PLXNA3: variants seen among roughly 807,000 people sequenced by gnomAD.
PLXNA3 encodes plexin A3.
In PLXNA3, 52 loss-of-function variants were observed where a neutral mutation model predicts 118.8. The ratio of observed to expected loss-of-function variants is 0.44; its 90% CI spans 0.35 to 0.55. The LOEUF (loss-of-function observed/expected upper bound fraction) is 0.55, where lower values mean the gene tolerates loss of function less well. Ranked by LOEUF, PLXNA3 falls within the 20% of genes least tolerant of loss-of-function variation. The probability of loss-of-function intolerance (pLI) is 0.01; values close to 1 mark genes in which losing one functional copy is unlikely to be tolerated. For missense variants in PLXNA3, 1,660 were observed against 1,730.8 expected, an observed-to-expected ratio of 0.96 and a Z score of 0.73; for synonymous variants, 925 against 762.4, an observed-to-expected ratio of 1.21 and a Z score of -3.51.
In PLXNA3 at chrX:154,461,240, C is replaced by G. The variant is rs1557204149; in HGVS notation, c.736C>G (p.Gln246Glu). Reference sequence around the variant, plus strand: ...CTTCCTGACGCTGCAGCTGGACACCCAGCAGACGCTGTTGGACACAGCGGG... The same window carrying G: ...CTTCCTGACGCTGCAGCTGGACACCGAGCAGACGCTGTTGGACACAGCGGG... ...VYFLTLQLDT[Q>E]QTLLDTAGEK... The change falls in exon 3 of 33, where the codon CAG (glutamine) becomes GAG (glutamate). Residue 246 changes from glutamine (Q) to glutamate (E), a missense_variant. Coordinates refer to ENST00000369682, the MANE Select transcript of PLXNA3 (RefSeq NM_017514.5). 9 of 1,212,583 alleles carry G rather than the reference C, an allele frequency of 7.4e-6. No homozygotes were observed. Among genetic ancestry groups the G allele is most frequent in the Non-Finnish European group, 1.1e-6 (1 of 895,593 alleles).
chrX:154,460,957 G>A (rs1409642477), intron 2 of PLXNA3, 142 bp from the exon 3 acceptor site: 5 of 641,317 alleles, frequency 7.8e-6, no homozygotes, highest in Non-Finnish European at 1.2e-5. Flanking sequence ...CAGGGAGGCT[G>A]GTCACCCTGC....
rs782777957 is a variant in PLXNA3, at chrX:154,465,084, T to G, written c.2110T>G (p.Leu704Val). 1.1e-5 allele frequency: 13 copies of G among 1,208,566 alleles called. No homozygotes were observed. In the South Asian group the frequency reaches 2.3e-4, roughly 21 times the overall value. The change falls in exon 11 of 33, where the codon TTG becomes GTG. Residue 704 changes from leucine to valine, a missense_variant. By Grantham distance (32) the Leu-to-Val change is conservative. Coordinates refer to ENST00000369682, the MANE Select transcript of PLXNA3 (RefSeq NM_017514.5). ...CGTTGGGGTCATGCAGCCTCTTACC[T>G]TGCGGGCTAAGAACCTACCTCAGCC... is the stretch of plus-strand genomic sequence containing the variant. ...IPVGVMQPLT[L>V]RAKNLPQPQS... is the part of the protein sequence containing the mutation.
intron 9 of PLXNA3, 112 bp downstream of exon 9, chrX:154,464,613 C>G: frequency 1.4e-6 from 1 of 695,294 alleles, no homozygotes; most frequent in Non-Finnish European, 2.2e-6. Context: ...ACTGTCAGGC[C>G]CTGATAGCCC....
Position 154,465,336 on chromosome X carries a change from G to A in PLXNA3, c.2245-88G>A, listed in dbSNP as rs1557206596. On this transcript the variant is annotated intron_variant, in intron 11 of 32. Coordinates refer to ENST00000369682, the MANE Select transcript of PLXNA3 (RefSeq NM_017514.5). ...TCTGAGTCTCCTGCTAGGGATTCCT[G>A]TACCTGGAGGAGGGGGGCAGCTGGC... 9 of 1,030,320 alleles carry A rather than the reference G, an allele frequency of 8.7e-6. No individual in the cohort carries two copies. The East Asian group carries it at 2.4e-4, about 28-fold the overall frequency. The allele number at this position is 1,030,320 out of a possible 1,213,427, so 84.9% of individuals were successfully genotyped here.
intron 6 of PLXNA3, 67 bp downstream of exon 6, chrX:154,463,757 C>T: frequency 9.9e-7 from 1 of 1,011,321 alleles, no homozygotes; most frequent in Admixed American, 2.6e-5. Context: ...CAGCCACACC[C>T]AGCCGTGCCC....
At position 154,468,422 on chromosome X, in the gene PLXNA3, C is replaced by T. The variant is rs140160422; in HGVS notation, c.4083C>T (p.Arg1361=). The change falls in exon 23 of 33, where the codon CGC becomes CGT. Residue 1361 remains arginine, a synonymous_variant. Transcript: ENST00000369682. ...AGAGCAGCTTCTCCATGCGCGACCG[C>T]GGCACCGTGGCCTCGCTCACCATGG... The part of the protein sequence containing the change: ...EAQSSFSMRD[R]GTVASLTMVA... 9.8e-4 allele frequency: 1,186 copies of T among 1,210,017 alleles called. 2 individuals are homozygous for T. The highest frequency in any genetic ancestry group is 1.2e-3 in the Non-Finnish European group (1,118 of 895,286).
chrX:154,461,833 A>C (rs1557204718), intron 3 of PLXNA3, among the ~76,000 whole-genome samples, 195 bp downstream of exon 3: 1 of 110,876 alleles, frequency 9.0e-6, no homozygotes, highest in East Asian at 2.8e-4. Flanking sequence ...CCAGTGCCCC[A>C]CTTCTGCTTC....
rs782573186 is a variant in PLXNA3, at chrX:154,468,825, G to A, written c.4290G>A (p.Glu1430=). Residue 1430 remains glutamate (E), a splice_region_variant and synonymous_variant, in exon 25 of 33, where the codon GAG becomes GAA. Transcript: ENST00000369682. The part of the protein sequence containing the change: ...FTFLLHKFLK[E]CAGEPLFLLY... ...TGTGCACCTGTCCCTGGCTGCAGGAGTGTGCTGGGGAGCCTCTCTTCCTGC... is the reference window on the plus strand; with the variant it reads ...TGTGCACCTGTCCCTGGCTGCAGGAATGTGCTGGGGAGCCTCTCTTCCTGC... 26 of 1,210,218 alleles carry A rather than the reference G, an allele frequency of 2.1e-5. No individual in the cohort carries two copies. Among genetic ancestry groups the A allele is most frequent in the Non-Finnish European group, 2.9e-5 (26 of 895,334 alleles).
In PLXNA3 at chrX:154,464,431, C is replaced by T. The variant is rs1557206204; in HGVS notation, c.1858C>T (p.Leu620Phe). 5.8e-6 allele frequency: 7 copies of T among 1,211,405 alleles called. No individual in the cohort carries two copies. Among genetic ancestry groups the T allele is most frequent in the South Asian group, 3.5e-5 (2 of 57,022 alleles). ...GATRTVRLQL[L>F]SKETGVRFAG... Reference sequence around the variant, plus strand: ...CACCCGCACTGTGCGGCTGCAGCTTCTCTCCAAGGAGACAGGCGTGAGGTT... The same window carrying T: ...CACCCGCACTGTGCGGCTGCAGCTTTTCTCCAAGGAGACAGGCGTGAGGTT... The change falls in exon 9 of 33, where the codon CTC (leucine) becomes TTC (phenylalanine). Residue 620 changes from leucine (L) to phenylalanine (F), a missense_variant. Coordinates refer to ENST00000369682, the MANE Select transcript of PLXNA3 (RefSeq NM_017514.5).
Position 154,477,705 on chromosome X carries a change from C to T in PLXNA3, c.*5020C>T. 2 of 312,961 alleles carry T rather than the reference C, an allele frequency of 6.4e-6. No homozygotes were observed. Among genetic ancestry groups the T allele is most frequent in the Non-Finnish European group, 1.1e-5 (2 of 179,462 alleles). 25.8% of individuals were successfully genotyped at this position (312,961 alleles called of 1,213,427 possible). ...TTGAATATCTGAATTCTAGAACCCC[C>T]CCCCCAGCAACCCAAGCACAACAAG... On this transcript the variant is annotated 3_prime_UTR_variant, in exon 33 of 33. Coordinates refer to ENST00000369682, the MANE Select transcript of PLXNA3 (RefSeq NM_017514.5).
chrX:154,470,330 G>A (rs1037039615), intron 29 of PLXNA3, 112 bp from the exon 30 acceptor site: 82 of 933,713 alleles, frequency 8.8e-5, no homozygotes, highest in Non-Finnish European at 1.1e-4. Flanking sequence ...GAGACCACTG[G>A]CCCTGTAGGG....
At position 154,472,556 on chromosome X, in the gene PLXNA3, C is replaced by G. The variant is rs368077783; in HGVS notation, c.5521-34C>G. Reference sequence around the variant, plus strand: ...TGCATGGCAGGAGCTGCGCCCCCTACAGAGCCCAGCTCCAGGGGACTCCTC... The same window carrying G: ...TGCATGGCAGGAGCTGCGCCCCCTAGAGAGCCCAGCTCCAGGGGACTCCTC... On this transcript the variant is annotated intron_variant, in intron 32 of 32. Coordinates refer to ENST00000369682, the MANE Select transcript of PLXNA3 (RefSeq NM_017514.5). The G allele has an allele frequency of 3.9e-6, 4 of 1,025,702 alleles. No individual in the cohort carries two copies. In the African/African-American group the frequency reaches 7.5e-5, roughly 19 times the overall value. 84.5% of individuals were successfully genotyped at this position (1,025,702 alleles called of 1,213,427 possible).
At chrX:154,462,984 C>T (rs2069002935) in intron 4 of PLXNA3, among the ~76,000 whole-genome samples, 1 of 111,481 alleles carries the variant, frequency 9.0e-6, no homozygotes, top group Non-Finnish European at 1.9e-5. Context: ...CCTGGCCCAC[C>T]TGCTCTGTTC....
chrX:154,461,581 G>A lies in PLXNA3; in HGVS notation c.1077G>A (p.Gly359=), dbSNP rs781896082. ...GCCGCATCCAGTCCTGCTATCGTGG[G>A]GAGGGCACTCTGGCTCTGCCCTGGC... ...IRRRIQSCYR[G]EGTLALPWLL... is the part of the protein sequence containing the mutation. Residue 359 remains glycine (G), a synonymous_variant, in exon 3 of 33, where the codon GGG becomes GGA. Transcript: ENST00000369682. 9 of 1,205,994 alleles carry A rather than the reference G, an allele frequency of 7.5e-6. No individual in the cohort carries two copies. Among genetic ancestry groups the A allele is most frequent in the Admixed American group, 2.2e-5 (1 of 46,104 alleles).
At position 154,464,384 on chromosome X, in the gene PLXNA3, A is replaced by G; in HGVS notation, c.1829-18A>G. On this transcript the variant is annotated intron_variant, in intron 8 of 32. Transcript: ENST00000369682. ...CCCTACCCCCAGCGAGTTCACGGCC[A>G]CCCCGGGACTGCTGCAGGGGCCACC... is the stretch of plus-strand genomic sequence containing the variant. The G allele has an allele frequency of 8.3e-7, 1 of 1,204,041 alleles. No individual in the cohort carries two copies. The highest frequency in any genetic ancestry group is 1.1e-6 in the Non-Finnish European group (1 of 890,499).
Position 154,466,202 on chromosome X carries a change from G to A in PLXNA3, c.2731G>A (p.Val911Met), listed in dbSNP as rs782131366. 11 of 1,208,846 alleles carry A rather than the reference G, an allele frequency of 9.1e-6. No homozygotes were observed. The highest frequency in any genetic ancestry group is 3.0e-5 in the East Asian group (1 of 33,820). Residue 911 changes from valine (V) to methionine (M), a missense_variant, in exon 15 of 33, where the codon GTG (valine) becomes ATG (methionine). This residue lies in a region of PLXNA3 where 869 missense variants were observed against 1,078.7 expected (regional missense o/e 0.81). Coordinates refer to ENST00000369682, the MANE Select transcript of PLXNA3 (RefSeq NM_017514.5). ...SLVPSPPPGP[V>M]ELCVGDCSAD... ...GGTGCCCAGCCCGCCGCCGGGGCCC[G>A]TGGAGCTGTGTGTGGGTGACTGTTC...
At chrX:154,461,766 C>A in intron 3 of PLXNA3, 128 bp downstream of exon 3, 1 of 649,626 alleles carries the variant, frequency 1.5e-6, no homozygotes. Context: ...CTTTGCCCTC[C>A]CACCTGTTTC....
rs781814996 is a variant in PLXNA3 at position 154,460,689 on chromosome X, C to G, written c.506C>G (p.Thr169Ser). The G allele has an allele frequency of 9.6e-6, 11 of 1,150,536 alleles. No individual in the cohort carries two copies. The highest frequency in any genetic ancestry group is 5.4e-5 in the African/African-American group (3 of 55,584). 94.8% of individuals were successfully genotyped at this position (1,150,536 alleles called of 1,213,427 possible). A position where few individuals can be genotyped will look rare whatever the true frequency, so the allele number is the denominator to read the frequency against. Residue 169 changes from threonine to serine, a missense_variant, in exon 2 of 33, where the codon ACT (threonine) becomes AGT (serine). Thr to Ser is a moderately conservative substitution (Grantham distance 58). Coordinates refer to ENST00000369682, the MANE Select transcript of PLXNA3 (RefSeq NM_017514.5). ...GGGCCCAGCAAGCTGTTTGTGGGCA[C>G]TGCTGTCGACGGCAAGTCGGAGTAC... is the stretch of plus-strand genomic sequence containing the variant. ...GQGPSKLFVG[T>S]AVDGKSEYFP...
rs781984974 is a variant in PLXNA3, at chrX:154,460,619, C to G, written c.436C>G (p.Gln146Glu). ...CAAGGAGCACTACCTGTCGGGGGCC[C>G]AGGAGCCCGACTCCATGGCTGGTGT... ...HRKEHYLSGAQEPDSMAGVIV... is the reference protein window; with the variant it reads ...HRKEHYLSGAEEPDSMAGVIV... Residue 146 changes from glutamine to glutamate, a missense_variant, in exon 2 of 33, where the codon CAG becomes GAG. Transcript: ENST00000369682. The G allele has an allele frequency of 8.4e-7, 1 of 1,189,264 alleles. No homozygotes were observed. The highest frequency in any genetic ancestry group is 1.9e-5 in the South Asian group (1 of 53,751).
Sources: gnomAD v4.1 joint callset for allele counts (sites outside exome capture counted in the v4.1 genomes callset) on GRCh38, gnomAD v4.1.1 for gene constraint, gnomAD v4.1.1 regional missense constraint, MANE v1.5 for transcripts, NCBI Gene and HGNC (gene_info 2026-07-23, HGNC 2026-07-21) for gene names.